The following NPLOC4 variants were observed in gnomAD, a reference collection of about 807,000 sequenced individuals.
NPLOC4 encodes the protein nuclear protein localization protein 4 homolog.
A neutral mutation model predicts 80.6 loss-of-function variants in NPLOC4; 18 were observed. That is an observed-to-expected ratio of 0.22 (90% CI 0.15 to 0.33). The LOEUF is 0.33. NPLOC4 is among the 10% of genes least tolerant of loss of function. The probability of loss-of-function intolerance (pLI) is 1.00; values close to 1 mark genes in which losing one functional copy is unlikely to be tolerated. For synonymous variants in NPLOC4, 313 were observed against 301.5 expected, an observed-to-expected ratio of 1.04 and a Z score of -0.39; for missense variants, 540 against 786.1, an observed-to-expected ratio of 0.69 and a Z score of 3.74.
chr17:81,613,063 T>C (rs984127141), intron 4 of NPLOC4: 4 of 364,560 alleles, frequency 1.1e-5, no homozygotes, highest in South Asian at 7.9e-5. Flanking sequence ...TCCAGTCTCT[T>C]TGTACCCAAA....
At chr17:81,598,573 C>A (rs887956915) in intron 9 of NPLOC4, among the ~76,000 whole-genome samples, 5 of 152,178 alleles carry the variant, frequency 3.3e-5, no homozygotes, top group African/African-American at 9.7e-5. Flanking sequence ...CACCTCAAGG[C>A]CGGAAGGAAG....
intron 2 of NPLOC4, among the ~76,000 whole-genome samples, chr17:81,627,429 T>C (rs530893250): frequency 4.7e-5 from 7 of 148,180 alleles, no homozygotes; most frequent in East Asian, 2.1e-4. Context: ...GGAACAAAAA[T>C]GAACTGTCAA....
chr17:81,578,099 A>G (rs2034348977), intron 12 of NPLOC4, among the ~76,000 whole-genome samples: 1 of 152,098 alleles, frequency 6.6e-6, no homozygotes, highest in Non-Finnish European at 1.5e-5. Flanking sequence ...CAATGCCTGG[A>G]TTGTTGCAAA....
At chr17:81,561,980 T>G (rs566953803) in intron 16 of NPLOC4, 11 of 152,414 alleles carry the variant, frequency 7.2e-5, no homozygotes, top group African/African-American at 2.6e-4. Context: ...ACGTCTGTAA[T>G]CCCAGCACTT....
chr17:81,636,821 G>A (rs1568175345), intron 1 of NPLOC4, 95 bp downstream of exon 1: 2 of 1,259,554 alleles, frequency 1.6e-6, no homozygotes, highest in African/African-American at 1.6e-5. Flanking sequence ...GGGCCGAGTC[G>A]CGGCGCCGGC....
chr17:81,622,146 C>T lies in NPLOC4; in HGVS notation c.209+20G>A, dbSNP rs762801036. 1.3e-5 allele frequency: 20 copies of T among 1,572,434 alleles called. No individual in the cohort carries two copies. In the South Asian group the frequency reaches 2.2e-4, roughly 17 times the overall value. On this transcript the variant is annotated intron_variant, in intron 3 of 16. Coordinates refer to ENST00000331134, the MANE Select transcript of NPLOC4 (RefSeq NM_017921.4). ...CCTCATTTCCCCCCATTCCCTGCTT[C>T]CTCCTCAGAGGACACTTACTTGATT... is the stretch of plus-strand genomic sequence containing the variant.
chr17:81,606,779 T>G lies in NPLOC4; in HGVS notation c.566A>C (p.Lys189Thr). The G allele has an allele frequency of 6.2e-7, 1 of 1,613,692 alleles. No individual in the cohort carries two copies. Among genetic ancestry groups the G allele is most frequent in the Non-Finnish European group, 8.5e-7 (1 of 1,179,782 alleles). ...KFVALENISC[K>T]IKSGCEGHLP... ...GTGCCCCTCGCACCCTGACTTAATC[T>G]TGCAGCTGATGTTCTCCAGGGCAAC... Residue 189 changes from lysine to threonine, a missense_variant, in exon 7 of 17, where the codon AAG becomes ACG. Physicochemically the swap from Lys to Thr is moderately conservative, Grantham distance 78. Around this residue, in one of 6 missense-constraint regions of NPLOC4, gnomAD observed 61 missense variants for 156.7 expected, o/e 0.39. Transcript: ENST00000331134.
chr17:81,606,748 C>A lies in NPLOC4; in HGVS notation c.597G>T (p.Pro199=), dbSNP rs756694072. Residue 199 remains proline (P), a synonymous_variant, in exon 7 of 17, where the codon CCG becomes CCT. Coordinates refer to ENST00000331134, the MANE Select transcript of NPLOC4 (RefSeq NM_017921.4). ...KIKSGCEGHL[P]WPNGICTKCQ... ...ACTTAGTACAGATGCCATTCGGCCACGGGAGGTGCCCCTCGCACCCTGACT... is the reference window on the plus strand; with the variant it reads ...ACTTAGTACAGATGCCATTCGGCCAAGGGAGGTGCCCCTCGCACCCTGACT... 6.2e-7 allele frequency: 1 copy of A among 1,613,646 alleles called. No homozygotes were observed. Among genetic ancestry groups the A allele is most frequent in the Non-Finnish European group, 8.5e-7 (1 of 1,179,858 alleles).
At chr17:81,596,291 T>C in intron 10 of NPLOC4, 49 bp from the exon 11 acceptor site, 1 of 1,576,718 alleles carries the variant, frequency 6.3e-7, no homozygotes, top group Non-Finnish European at 8.7e-7. Context: ...CATGCCAAAA[T>C]ATACTTCTAT....
intron 1 of NPLOC4, among the ~76,000 whole-genome samples, chr17:81,631,437 T>TATATATACATATA: frequency 2.3e-5 from 1 of 42,926 alleles, no homozygotes; most frequent in African/African-American, 9.4e-5. Context: ...TATATATATA[T>TATATATACATATA]TTTTTTTTTT....
In NPLOC4 at chr17:81,628,471, C is replaced by T. The variant is rs567478787; in HGVS notation, c.96+1254G>A. Among the ~76,000 whole-genome samples, 322 of 152,056 alleles carry T rather than the reference C, an allele frequency of 2.1e-3. 5 individuals carry two copies. Among genetic ancestry groups the T allele is most frequent in the African/African-American group, 7.6e-3 (315 of 41,476 alleles). On this transcript the variant is annotated intron_variant, in intron 2 of 16. Transcript: ENST00000331134. ...GAGGTTGCAGTGAGCCGAGATCATG[C>T]CACTGCACTCCAGCCTGGGCAACAG...
intron 16 of NPLOC4, chr17:81,562,624 G>A (rs1177943891): frequency 6.6e-6 from 1 of 152,168 alleles, no homozygotes; most frequent in African/African-American, 2.4e-5. Flanking sequence ...TGAGATACCA[G>A]TCAGAACTTA....
At chr17:81,559,498 G>T in intron 16 of NPLOC4, 82 bp from the exon 17 acceptor site, 3 of 1,461,718 alleles carry the variant, frequency 2.1e-6, no homozygotes, top group Non-Finnish European at 2.8e-6. Flanking sequence ...GGCAGGGGCA[G>T]GCAGCTGAGA....
In NPLOC4 at chr17:81,572,523, A is replaced by G. The variant is rs555718794; in HGVS notation, c.1282-435T>C. ...TTTAAATTACTTCAAATCTTATTGA[A>G]GTGTATGGATAGCAGAAAGGAAAAC... On this transcript the variant is annotated intron_variant, in intron 12 of 16. Coordinates refer to ENST00000331134, the MANE Select transcript of NPLOC4 (RefSeq NM_017921.4). This position sits in a 1 kb window ranked among gnomAD's most constrained non-coding sequence, Gnocchi z 4.5. Among the ~76,000 whole-genome samples the G allele has an allele frequency of 1.1e-4, 17 of 152,170 alleles. No homozygotes were observed. Among genetic ancestry groups the G allele is most frequent in the Non-Finnish European group, 1.9e-4 (13 of 68,044 alleles).
At chr17:81,576,284 T>C (rs988646379) in intron 12 of NPLOC4, among the ~76,000 whole-genome samples, 5 of 152,212 alleles carry the variant, frequency 3.3e-5, no homozygotes, top group African/African-American at 1.2e-4. Flanking sequence ...TGCATAGTTC[T>C]GGGGGAAAGA....
chr17:81,599,211 C>G lies in NPLOC4; in HGVS notation c.921+1130G>C, dbSNP rs2035001501. Among the ~76,000 whole-genome samples the G allele has an allele frequency of 2.6e-5, 4 of 151,388 alleles. No individual in the cohort carries two copies. In the Middle Eastern group the frequency reaches 0.014, roughly 515 times the overall value. Reference sequence around the variant, plus strand: ...GGCTGAGGCAGGAGAATCACTTGAACCCGGGAGGCAGAGGTTGCAGTGAGC... The same window carrying G: ...GGCTGAGGCAGGAGAATCACTTGAAGCCGGGAGGCAGAGGTTGCAGTGAGC... On this transcript the variant is annotated intron_variant, in intron 9 of 16. Coordinates refer to ENST00000331134, the MANE Select transcript of NPLOC4 (RefSeq NM_017921.4).
intron 9 of NPLOC4, among the ~76,000 whole-genome samples, chr17:81,598,800 A>T (rs1598650969): frequency 1.3e-5 from 2 of 152,064 alleles, no homozygotes. Flanking sequence ...CTCCAGCACT[A>T]CCTGACACAC....
chr17:81,567,563 C>A lies in NPLOC4; in HGVS notation c.1450-30G>T, dbSNP rs778287536. 2 of 1,371,336 alleles carry A rather than the reference C, an allele frequency of 1.5e-6. No homozygotes were observed. The highest frequency in any genetic ancestry group is 1.8e-5 in the Admixed American group (1 of 55,706). 84.9% of individuals were successfully genotyped at this position (1,371,336 alleles called of 1,614,324 possible). Reference sequence around the variant, plus strand: ...AGGAATGGGAATAAACATGAATGTTCCATACAGTTCCCCAGTGCCAGACCC... The same window carrying A: ...AGGAATGGGAATAAACATGAATGTTACATACAGTTCCCCAGTGCCAGACCC... On this transcript the variant is annotated intron_variant, in intron 14 of 16. Transcript: ENST00000331134. This position sits in a 1 kb window ranked among gnomAD's most constrained non-coding sequence, Gnocchi z 4.5.
chr17:81,570,256 G>A (rs2034126275), intron 13 of NPLOC4, among the ~76,000 whole-genome samples: 2 of 152,208 alleles, frequency 1.3e-5, no homozygotes, highest in South Asian at 2.1e-4. Context: ...TAGGGATCCT[G>A]GGCCTCACTT....
Sources: gnomAD v4.1 joint callset for allele counts (sites outside exome capture counted in the v4.1 genomes callset) on GRCh38, gnomAD v4.1.1 for gene constraint, gnomAD v4.1.1 regional missense constraint, Gnocchi (gnomAD v3.1) non-coding constraint, MANE v1.5 for transcripts, NCBI Gene and HGNC (gene_info 2026-07-23, HGNC 2026-07-21) for gene names.